The following C1orf167 variants were observed in gnomAD, a reference collection of about 807,000 sequenced individuals.
The protein encoded by C1orf167 is chromosome 1 open reading frame 167.
In C1orf167, 153 loss-of-function variants were observed where a neutral mutation model predicts 176.5. That is an observed-to-expected ratio of 0.87 (90% CI 0.76 to 0.99). The LOEUF is 0.99. C1orf167 is among the 50% of genes least tolerant of loss of function. C1orf167 has a pLI of 0.00. For missense variants in C1orf167, 1,490 were observed against 1,817.7 expected, an observed-to-expected ratio of 0.82 and a Z score of 3.28; for synonymous variants, 594 against 752.7, an observed-to-expected ratio of 0.79 and a Z score of 3.45.
At chr1:11,788,535 C>T in intron 19 of C1orf167, 117 bp from the exon 20 acceptor site, 2 of 1,119,170 alleles carry the variant, frequency 1.8e-6, no homozygotes, top group South Asian at 1.4e-5. Flanking sequence ...CAGATGACAC[C>T]CCCTTGCCAT....
At chr1:11,778,529 C>A in intron 10 of C1orf167, 131 bp from the exon 11 acceptor site, 1 of 760,920 alleles carries the variant, frequency 1.3e-6, no homozygotes, top group Non-Finnish European at 1.8e-6. Context: ...GCTAGCCCAG[C>A]GTCTGGCCTG....
rs911924665 is a variant in C1orf167, at chr1:11,766,033, G to A, written c.247G>A (p.Gly83Ser). Residue 83 changes from glycine to serine, a missense_variant, in exon 3 of 21, where the codon GGC (glycine) becomes AGC (serine). By Grantham distance (56) the Gly-to-Ser change is moderately conservative. Transcript: ENST00000688073. The surrounding 1 kb of genome is among the most constrained non-coding windows in gnomAD (Gnocchi z 4.5). ...CCTGGCCAGCCCTGGTCCCCGCCTG[G>A]GCCTAGCTCTGAAGGACACGACTGG... ...TNLASPGPRLGLALKDTTGQL... is the reference protein window; with the variant it reads ...TNLASPGPRLSLALKDTTGQL... The A allele has an allele frequency of 6.2e-6, 8 of 1,289,856 alleles. No homozygotes were observed. The Admixed American group carries it at 6.9e-5, about 11-fold the overall frequency. The allele number at this position is 1,289,856 out of a possible 1,614,324, so 79.9% of individuals were successfully genotyped here.
In C1orf167 at chr1:11,787,962, A is replaced by T; in HGVS notation, c.3763A>T (p.Thr1255Ser). ...SSWVPGLPLW[T>S]RDQGPRAHSS... ...CTGGGTCCCAGGCCTGCCCCTGTGG[A>T]CGAGGGACCAGGGACCAAGAGCGCA... The change falls in exon 18 of 21, where the codon ACG becomes TCG. Residue 1255 changes from threonine to serine, a missense_variant. Thr to Ser is a moderately conservative substitution (Grantham distance 58). Transcript: ENST00000688073. 3.1e-6 allele frequency: 4 copies of T among 1,304,184 alleles called. No homozygotes were observed. The highest frequency in any genetic ancestry group is 4.0e-6 in the Non-Finnish European group (4 of 988,910). The allele number at this position is 1,304,184 out of a possible 1,614,324, so 80.8% of individuals were successfully genotyped here.
intron 1 of C1orf167, among the ~76,000 whole-genome samples, chr1:11,762,824 A>C (rs752148590): frequency 1.3e-5 from 2 of 152,226 alleles, no homozygotes; most frequent in Admixed American, 6.5e-5. Context: ...AACAAACAAA[A>C]AAAACCAGCC....
At position 11,766,098 on chromosome 1, in the gene C1orf167, G is replaced by A. The variant is rs775555306; in HGVS notation, c.312G>A (p.Leu104=). ...CAAGCTTCTGGCAACAGAGCAACCT[G>A]CAGTCCCTGGCCAGGAGGCGCCAAG... ...VNSSFWQQSN[L]QSLARRRQGK... is the part of the protein sequence containing the mutation. Residue 104 remains leucine (L), a synonymous_variant, in exon 3 of 21, where the codon CTG becomes CTA. Coordinates refer to ENST00000688073, the MANE Select transcript of C1orf167 (RefSeq NM_001010881.2). This position sits in a 1 kb window ranked among gnomAD's most constrained non-coding sequence, Gnocchi z 4.5. 72 of 1,289,764 alleles carry A rather than the reference G, an allele frequency of 5.6e-5. No individual in the cohort carries two copies. Among genetic ancestry groups the A allele is most frequent in the Non-Finnish European group, 6.8e-5 (67 of 988,882 alleles). The allele number at this position is 1,289,764 out of a possible 1,614,324, so 79.9% of individuals were successfully genotyped here. A position where few individuals can be genotyped will look rare whatever the true frequency, so the allele number is the denominator to read the frequency against.
In C1orf167 at chr1:11,787,418, C is replaced by G; in HGVS notation, c.3598C>G (p.Leu1200Val). 1 of 1,302,852 alleles carries G rather than the reference C, an allele frequency of 7.7e-7. No individual in the cohort carries two copies. Among genetic ancestry groups the G allele is most frequent in the Non-Finnish European group, 1.0e-6 (1 of 988,386 alleles). 80.7% of individuals were successfully genotyped at this position (1,302,852 alleles called of 1,614,324 possible). The part of the protein sequence containing the change: ...TRSCWTQATE[L>V]VPPAPSLQCS... ...CAGCTGCTGGACACAGGCCACAGAG[C>G]TGGTGCCTCCCGCGCCATCACTGCA... Residue 1200 changes from leucine (L) to valine (V), a missense_variant, in exon 17 of 21, where the codon CTG becomes GTG. Physicochemically the swap from Leu to Val is conservative, Grantham distance 32. Coordinates refer to ENST00000688073, the MANE Select transcript of C1orf167 (RefSeq NM_001010881.2).
intron 17 of C1orf167, 119 bp from the exon 18 acceptor site, chr1:11,787,754 A>G: frequency 8.6e-7 from 1 of 1,161,966 alleles, no homozygotes; most frequent in Non-Finnish European, 1.1e-6. Context: ...GCAGGGCACA[A>G]GGCTAAGCTC....
At chr1:11,784,770 A>G (rs4845883) in intron 15 of C1orf167, among the ~76,000 whole-genome samples, 177 bp downstream of exon 15, 143,050 of 152,262 alleles carry the variant, frequency 0.94, 67,851 homozygotes, top group East Asian at 1. Context: ...CCACATCCTG[A>G]CACCGCCTCT....
In C1orf167 at chr1:11,789,379, A is replaced by G. The variant is rs918426637; in HGVS notation, c.4283A>G (p.Gln1428Arg). 5 of 1,303,770 alleles carry G rather than the reference A, an allele frequency of 3.8e-6. No individual in the cohort carries two copies. The highest frequency in any genetic ancestry group is 5.1e-6 in the Non-Finnish European group (5 of 988,822). 80.8% of individuals were successfully genotyped at this position (1,303,770 alleles called of 1,614,324 possible). A position where few individuals can be genotyped will look rare whatever the true frequency, so the allele number is the denominator to read the frequency against. ...GGCCCCAAGGGCCCCGAGAGTGGACAGGAAGCCGCCAGAGCACCGCGGGGT... is the reference window on the plus strand; with the variant it reads ...GGCCCCAAGGGCCCCGAGAGTGGACGGGAAGCCGCCAGAGCACCGCGGGGT... ...KPGPKGPESG[Q>R]EAARAPRGWG... The change falls in exon 21 of 21, where the codon CAG becomes CGG. Residue 1428 changes from glutamine to arginine, a missense_variant. By Grantham distance (43) the Gln-to-Arg change is conservative. Coordinates refer to ENST00000688073, the MANE Select transcript of C1orf167 (RefSeq NM_001010881.2).
At chr1:11,789,101 C>A (rs1644000434) in intron 20 of C1orf167, 169 bp from the exon 21 acceptor site, 1 of 553,006 alleles carries the variant, frequency 1.8e-6, no homozygotes, top group Non-Finnish European at 2.9e-6. Context: ...ACCATCAGAT[C>A]TATTCTGAGC....
chr1:11,775,463 C>T lies in C1orf167; in HGVS notation c.2017C>T (p.Gln673Ter). The stretch of plus-strand genomic sequence containing the variant: ...CTTCGGGGCGTGGCAGCAGTTCGTG[C>T]AAAGAGGGTCCCGGTACCGAGACCA... ...RCFGAWQQFV[Q>*]RGSRYRDHLA... Residue 673 changes from glutamine to a stop codon, truncating the protein, a stop_gained, in exon 9 of 21, where the codon CAA (glutamine) becomes TAA (stop). Transcript: ENST00000688073. LOFTEE classifies it high-confidence loss of function. 7.7e-7 allele frequency: 1 copy of T among 1,302,964 alleles called. No homozygotes were observed. 80.7% of individuals were successfully genotyped at this position (1,302,964 alleles called of 1,614,324 possible).
At position 11,768,239 on chromosome 1, in the gene C1orf167, G is replaced by A. The variant is rs1184335142; in HGVS notation, c.1506G>A (p.Gln502=). Residue 502 remains glutamine (Q), a synonymous_variant, in exon 5 of 21, where the codon CAG becomes CAA. Transcript: ENST00000688073. The surrounding 1 kb of genome is among the most constrained non-coding windows in gnomAD (Gnocchi z 4.5). ...CTCAGCTGGAGGCAGCATGGGGGCA[G>A]TACACAAAGGTTCTGCTGGTCCGGA... ...REAQLEAAWG[Q]YTKVLLVRSF... The A allele has an allele frequency of 1.6e-6, 2 of 1,289,812 alleles. No homozygotes were observed. Among genetic ancestry groups the A allele is most frequent in the Non-Finnish European group, 2.0e-6 (2 of 988,862 alleles). The allele number at this position is 1,289,812 out of a possible 1,614,324, so 79.9% of individuals were successfully genotyped here. A position where few individuals can be genotyped will look rare whatever the true frequency, so the allele number is the denominator to read the frequency against.
Position 11,779,091 on chromosome 1 carries a change from C to T in C1orf167, c.2651+11C>T. The T allele has an allele frequency of 8.1e-7, 1 of 1,230,678 alleles. No individual in the cohort carries two copies. The highest frequency in any genetic ancestry group is 1.0e-6 in the Non-Finnish European group (1 of 956,290). The allele number at this position is 1,230,678 out of a possible 1,614,324, so 76.2% of individuals were successfully genotyped here. The stretch of plus-strand genomic sequence containing the variant: ...TACCCGCCAGAGGCGGTAGGGATCC[C>T]TCCCCATCCGCCCGCCACTCTATGG... On this transcript the variant is annotated intron_variant, in intron 12 of 20. Coordinates refer to ENST00000688073, the MANE Select transcript of C1orf167 (RefSeq NM_001010881.2).
chr1:11,782,202 G>A lies in C1orf167; in HGVS notation c.2874G>A (p.Leu958=), dbSNP rs759123340. The A allele has an allele frequency of 4.7e-6, 6 of 1,288,780 alleles. No homozygotes were observed. The highest frequency in any genetic ancestry group is 3.1e-5 in the African/African-American group (2 of 65,508). The allele number at this position is 1,288,780 out of a possible 1,614,324, so 79.8% of individuals were successfully genotyped here. The change falls in exon 14 of 21, where the codon CTG becomes CTA. Residue 958 remains leucine (L), a synonymous_variant. Transcript: ENST00000688073. ...CTCTGGCCCCAGGGCAGCAGTTCCT[G>A]CATGAAAAGTGCCAGACATGGGTGC... is the stretch of plus-strand genomic sequence containing the variant. ...WHSCWQGQQF[L]HEKCQTWVQV... is the part of the protein sequence containing the mutation.
chr1:11,780,999 C>CTTTTTTT lies in C1orf167; in HGVS notation c.2860+1005_2860+1011dup, dbSNP rs386366239. Among the ~76,000 whole-genome samples the CTTTTTTT allele has an allele frequency of 5.1e-4, 47 of 92,780 alleles. 3 individuals carry two copies. The highest frequency in any genetic ancestry group is 7.5e-4 in the South Asian group (2 of 2,656). 60.9% of individuals were successfully genotyped at this position (92,780 alleles called of 152,430 possible). A position where few individuals can be genotyped will look rare whatever the true frequency, so the allele number is the denominator to read the frequency against. On this transcript the variant is annotated intron_variant, in intron 13 of 20. Coordinates refer to ENST00000688073, the MANE Select transcript of C1orf167 (RefSeq NM_001010881.2). The stretch of plus-strand genomic sequence containing the variant: ...AGAGCTGTTGCATGGCCCAACCAGT[C>CTTTTTTT]TTTTTTTTTTTTTTTTTTTTTTGAG...
chr1:11,785,040 GCCTGGGGCTGGGC>G, intron 15 of C1orf167, 95 bp from the exon 16 acceptor site: 1 of 1,034,776 alleles, frequency 9.7e-7, no homozygotes, highest in Non-Finnish European at 1.2e-6. Context: ...GTGGGCCCCA[GCCTGGGGCTGGGC>G]CCGGAAGGCC....
chr1:11,762,244 C>T lies in C1orf167; in HGVS notation c.-132C>T, dbSNP rs1436631903. On this transcript the variant is annotated 5_prime_UTR_variant, in exon 1 of 21. Transcript: ENST00000688073. ...CGACCTGCGGGGATCGTTAGCGGTC[C>T]CAGCCCCCGTCTAGATTCAAATCCG... The T allele has an allele frequency of 1.8e-5, 8 of 438,608 alleles. No homozygotes were observed. The highest frequency in any genetic ancestry group is 8.0e-5 in the South Asian group (5 of 62,806). 27.2% of individuals were successfully genotyped at this position (438,608 alleles called of 1,614,324 possible).
intron 14 of C1orf167, among the ~76,000 whole-genome samples, chr1:11,782,793 G>A (rs1294834063): frequency 6.6e-6 from 1 of 151,962 alleles, no homozygotes; most frequent in Non-Finnish European, 1.5e-5. Context: ...ATGGTGGCAG[G>A]TGCCTGTAGT....
At chr1:11,772,310 G>A (rs1643120603) in intron 8 of C1orf167, 51 bp downstream of exon 8, 1 of 1,262,068 alleles carries the variant, frequency 7.9e-7, no homozygotes, top group African/African-American at 1.5e-5. Flanking sequence ...CTGTCACCTA[G>A]GCTGAAGTAC....
Sources: gnomAD v4.1 joint callset for allele counts (sites outside exome capture counted in the v4.1 genomes callset) on GRCh38, gnomAD v4.1.1 for gene constraint, Gnocchi (gnomAD v3.1) non-coding constraint, MANE v1.5 for transcripts, NCBI Gene and HGNC (gene_info 2026-07-23, HGNC 2026-07-21) for gene names.